The following NEK1 variants were observed in gnomAD, a reference collection of about 807,000 sequenced individuals.
NEK1 encodes the protein NIMA related kinase 1.
NEK1 carries 137 observed loss-of-function variants against 182.1 expected under a neutral mutation model. The ratio of observed to expected loss-of-function variants is 0.75; its 90% CI spans 0.65 to 0.87. NEK1 has a LOEUF of 0.87. NEK1 is among the 40% of genes least tolerant of loss of function. The probability of loss-of-function intolerance (pLI) is 0.00; values close to 1 mark genes in which losing one functional copy is unlikely to be tolerated. For synonymous variants in NEK1, 513 were observed against 492.2 expected, an observed-to-expected ratio of 1.04 and a Z score of -0.56; for missense variants, 1,391 against 1,494.4, an observed-to-expected ratio of 0.93 and a Z score of 1.14.
In NEK1 at chr4:169,393,869, A is replaced by G. The variant is rs960594763; in HGVS notation, c.*641T>C. 8.5e-5 allele frequency: 13 copies of G among 152,214 alleles called. No homozygotes were observed. Among genetic ancestry groups the G allele is most frequent in the African/African-American group, 3.1e-4 (13 of 41,462 alleles). The allele number at this position is 152,214 out of a possible 1,614,324, so 9.4% of individuals were successfully genotyped here. On this transcript the variant is annotated 3_prime_UTR_variant, in exon 36 of 36. Transcript: ENST00000507142. ...ACCAACTTTTTATATGTCAAGAAAT[A>G]TAATTTTGCTATTCTTTCATAATCA...
At chr4:169,422,165 G>C (rs775930730) in intron 31 of NEK1, among the ~76,000 whole-genome samples, 9 of 152,196 alleles carry the variant, frequency 5.9e-5, no homozygotes, top group Non-Finnish European at 1.3e-4. Flanking sequence ...TATCTGAACA[G>C]AGCCGCTTCA....
intron 16 of NEK1, among the ~76,000 whole-genome samples, chr4:169,558,054 A>T (rs1186582844): frequency 6.6e-6 from 1 of 152,212 alleles, no homozygotes; most frequent in African/African-American, 2.4e-5. Flanking sequence ...TGGTCCTTAC[A>T]TACATCCTCA....
intron 26 of NEK1, among the ~76,000 whole-genome samples, chr4:169,475,385 T>C (rs1385163778): frequency 6.6e-6 from 1 of 152,160 alleles, no homozygotes; most frequent in Admixed American, 6.6e-5. Context: ...TGGGTATAAT[T>C]AGCATTAGAC....
intron 26 of NEK1, among the ~76,000 whole-genome samples, chr4:169,469,485 C>T (rs112245360): frequency 0.19 from 29,462 of 151,898 alleles, 4,292 homozygotes; most frequent in African/African-American, 0.41. Context: ...TCTGAGAGAC[C>T]GTTTGTTATG....
chr4:169,425,967 C>T (rs1302400498), intron 30 of NEK1, among the ~76,000 whole-genome samples, 179 bp downstream of exon 30: 1 of 152,092 alleles, frequency 6.6e-6, no homozygotes, highest in Non-Finnish European at 1.5e-5. Context: ...TGCCATGTTG[C>T]CATACAATCC....
intron 10 of NEK1, 92 bp from the exon 11 acceptor site, chr4:169,580,994 A>G (rs1370468451): frequency 9.6e-6 from 5 of 522,714 alleles, no homozygotes; most frequent in South Asian, 9.4e-5. Flanking sequence ...CCCCTTTTTC[A>G]GTAGTAATTA....
At chr4:169,467,088 T>C (rs1745069636) in intron 26 of NEK1, among the ~76,000 whole-genome samples, 1 of 152,138 alleles carries the variant, frequency 6.6e-6, no homozygotes, top group African/African-American at 2.4e-5. Flanking sequence ...TAATAGTAAA[T>C]ATATTTTCTC....
chr4:169,444,440 CAA>C (rs944104835), intron 27 of NEK1, among the ~76,000 whole-genome samples: 2 of 151,028 alleles, frequency 1.3e-5, no homozygotes, highest in African/African-American at 2.4e-5. Flanking sequence ...CAAATGGAAA[CAA>C]AAAAAGAGTG....
chr4:169,574,611 GAAAAAA>G (rs1235699069), intron 12 of NEK1, among the ~76,000 whole-genome samples: 1 of 69,118 alleles, frequency 1.4e-5, no homozygotes, highest in Non-Finnish European at 3.2e-5. Context: ...CACCTCAAAA[GAAAAAA>G]AAAAAAAAAA....
intron 12 of NEK1, among the ~76,000 whole-genome samples, chr4:169,570,556 G>A (rs1322653052): frequency 6.7e-6 from 1 of 149,950 alleles, no homozygotes; most frequent in Non-Finnish European, 1.5e-5. Context: ...AGGGAGGTGG[G>A]GGGGTCAGCC....
chr4:169,532,466 G>C (rs867071356), intron 19 of NEK1, among the ~76,000 whole-genome samples: 2 of 152,130 alleles, frequency 1.3e-5, no homozygotes, highest in Non-Finnish European at 1.5e-5. Flanking sequence ...GTAAACTATG[G>C]ACTTTGAGTG....
At chr4:169,504,185 C>G (rs1752857474) in intron 23 of NEK1, among the ~76,000 whole-genome samples, 1 of 152,008 alleles carries the variant, frequency 6.6e-6, no homozygotes, top group Non-Finnish European at 1.5e-5. Context: ...TTATCTCACC[C>G]CAGTCAAAAC....
chr4:169,439,617 A>G (rs184464097), intron 27 of NEK1, among the ~76,000 whole-genome samples: 27 of 152,284 alleles, frequency 1.8e-4, no homozygotes, highest in African/African-American at 6.5e-4. Context: ...TATTATTATT[A>G]AAGATTGCTT....
At chr4:169,478,254 T>C (rs919877778) in intron 24 of NEK1, 2 of 152,242 alleles carry the variant, frequency 1.3e-5, no homozygotes, top group Middle Eastern at 3.4e-3. Context: ...CGTTCAGTTA[T>C]ATGGATTACC....
chr4:169,598,637 T>C (rs1306124290), intron 5 of NEK1, among the ~76,000 whole-genome samples: 1 of 151,950 alleles, frequency 6.6e-6, no homozygotes, highest in Non-Finnish European at 1.5e-5. Flanking sequence ...GATTAGGGAA[T>C]AGAAAAAAAT....
chr4:169,580,428 C>T (rs1239010266), intron 11 of NEK1, among the ~76,000 whole-genome samples: 1 of 134,210 alleles, frequency 7.5e-6, no homozygotes, highest in Non-Finnish European at 1.5e-5. Flanking sequence ...ACCTGGGAAG[C>T]GGAGGTTGCA....
intron 8 of NEK1, 74 bp from the exon 9 acceptor site, chr4:169,587,687 T>C: frequency 1.1e-6 from 1 of 900,008 alleles, no homozygotes; most frequent in Non-Finnish European, 1.7e-6. Flanking sequence ...ACAAACAGCA[T>C]AAAAGTGTTT....
chr4:169,404,174 TAGC>T (rs1732179952), intron 32 of NEK1, among the ~76,000 whole-genome samples: 1 of 152,154 alleles, frequency 6.6e-6, no homozygotes, highest in Non-Finnish European at 1.5e-5. Flanking sequence ...AAATTTTAGT[TAGC>T]AGTTTGTCAA....
intron 19 of NEK1, among the ~76,000 whole-genome samples, chr4:169,512,046 T>C (rs1754277829): frequency 6.6e-6 from 1 of 152,140 alleles, no homozygotes; most frequent in Non-Finnish European, 1.5e-5. Context: ...TTTTAAGTTT[T>C]TTTGCTATTA....
Sources: gnomAD v4.1 joint callset for allele counts (sites outside exome capture counted in the v4.1 genomes callset) on GRCh38, gnomAD v4.1.1 for gene constraint, MANE v1.5 for transcripts, NCBI Gene and HGNC (gene_info 2026-07-23, HGNC 2026-07-21) for gene names.